Variants in CDH23 observed in about 807,000 individuals in gnomAD.
CDH23 encodes the protein cadherin-23.
Under a neutral mutation model 317.1 loss-of-function variants are expected in CDH23, and 189 were observed. The observed-to-expected ratio is 0.60, with a 90% CI of 0.53 to 0.67. CDH23 has a LOEUF of 0.67. CDH23 is among the 30% of genes least tolerant of loss of function. The pLI is 0.00. For synonymous variants in CDH23, 1,839 were observed against 1,876.8 expected (o/e 0.98, Z 0.52); for missense variants, 4,401 against 4,592.4 (o/e 0.96, Z 1.20).
intron 8 of CDH23, among the ~76,000 whole-genome samples, chr10:71,573,130 C>T (rs1857933023): frequency 6.6e-6 from 1 of 152,232 alleles, no homozygotes; most frequent in Non-Finnish European, 1.5e-5. Context: ...GCACATAAAA[C>T]ACACAGCAAG....
In CDH23 at chr10:71,434,568, C is replaced by T. The variant is rs548017587; in HGVS notation, c.-5-5259C>T. Among the ~76,000 whole-genome samples, 124 of 152,276 alleles carry T rather than the reference C, an allele frequency of 8.1e-4. No homozygotes were observed. In the Middle Eastern group the frequency reaches 0.01, roughly 13 times the overall value. The stretch of plus-strand genomic sequence containing the variant: ...TCCTATGTGGGTGACTCCATGGATG[C>T]TGTCACTGAACCACCTCTCAGAGCC... On this transcript the variant is annotated intron_variant, in intron 1 of 69. Transcript: ENST00000224721.
chr10:71,482,879 C>T (rs1379182372), intron 3 of CDH23, among the ~76,000 whole-genome samples: 3 of 152,224 alleles, frequency 2.0e-5, no homozygotes, highest in African/African-American at 7.2e-5. Context: ...AAGAGGGAGC[C>T]ATCCTGAAGT....
rs2132988708 is a variant in CDH23, at chr10:71,807,539, C to A, written c.8332C>A (p.His2778Asn). 1.2e-6 allele frequency: 2 copies of A among 1,613,962 alleles called. No homozygotes were observed. The highest frequency in any genetic ancestry group is 2.7e-5 in the African/African-American group (2 of 75,058). The change falls in exon 59 of 70, where the codon CAT becomes AAT. Residue 2778 changes from histidine to asparagine, a missense_variant. Physicochemically the swap from His to Asn is moderately conservative, Grantham distance 68. This residue lies in a region of CDH23 where 1,144 missense variants were observed against 1,138.2 expected (regional missense o/e 1.01). Coordinates refer to ENST00000224721, the MANE Select transcript of CDH23 (RefSeq NM_022124.6). ...AGCCGGCAACGAAGAGAAGAACTTC[C>A]ATCTGCAGCCCGATGGGTGTCTGCT... ...IAAGNEEKNFHLQPDGCLLVL... is the reference protein window; with the variant it reads ...IAAGNEEKNFNLQPDGCLLVL...
At chr10:71,796,981 C>T in intron 48 of CDH23, 123 bp from the exon 49 acceptor site, 1 of 662,142 alleles carries the variant, frequency 1.5e-6, no homozygotes, top group Non-Finnish European at 2.7e-6. Context: ...CCACAAGTCC[C>T]AGATTCTACT....
chr10:71,680,862 T>TC (rs1354524511), intron 17 of CDH23, among the ~76,000 whole-genome samples: 4 of 125,032 alleles, frequency 3.2e-5, no homozygotes, highest in Non-Finnish European at 5.1e-5. Flanking sequence ...AGAGTTTTAC[T>TC]CTGTCACCCA....
intron 2 of CDH23, among the ~76,000 whole-genome samples, chr10:71,440,283 A>C (rs866704856): frequency 1.3e-4 from 20 of 152,272 alleles, no homozygotes; most frequent in South Asian, 4.1e-4. Context: ...GACCTACTGC[A>C]CCCAGCTCTG....
At chr10:71,813,025 G>C in intron 68 of CDH23, 135 bp downstream of exon 68, 1 of 1,419,680 alleles carries the variant, frequency 7.0e-7, no homozygotes, top group Non-Finnish European at 9.6e-7. Flanking sequence ...CAGGGCTGAT[G>C]GGGGGCTACT....
At chr10:71,436,667 C>T (rs939089330) in intron 1 of CDH23, among the ~76,000 whole-genome samples, 1 of 152,202 alleles carries the variant, frequency 6.6e-6, no homozygotes, top group Non-Finnish European at 1.5e-5. Flanking sequence ...AATCCTTGGC[C>T]TGTGGGATTG....
At position 71,812,778 on chromosome 10, in the gene CDH23, GGC is replaced by G; in HGVS notation, c.9523_9524del (p.Arg3175Ter). 6.2e-7 allele frequency: 1 copy of G among 1,613,238 alleles called. No homozygotes were observed. Among genetic ancestry groups the G allele is most frequent in the Non-Finnish European group, 8.5e-7 (1 of 1,179,582 alleles). ...ATCCCCTCTCCCCAGGGAACTTTTG[GGC>G]GTGAGCCAGCAGCTGTCAAGCCTGA... On this transcript the variant is annotated frameshift_variant, in exon 68 of 70. Coordinates refer to ENST00000224721, the MANE Select transcript of CDH23 (RefSeq NM_022124.6). LOFTEE classifies it high-confidence loss of function.
chr10:71,786,517 A>T lies in CDH23; in HGVS notation c.5820+779A>T, dbSNP rs1841111730. ...TTTTTTTTTTTTTTTTTTGAGACAG[A>T]GTCTCACTCTGTCACCCAAGCTGGT... On this transcript the variant is annotated intron_variant, in intron 44 of 69. Transcript: ENST00000224721. 2.4e-5 allele frequency among the ~76,000 whole-genome samples: 3 copies of T among 124,696 alleles called. No individual in the cohort carries two copies. The Admixed American group carries it at 2.7e-4, about 11-fold the overall frequency. The allele number at this position is 124,696 out of a possible 152,430, so 81.8% of individuals were successfully genotyped here.
rs376657497 is a variant in CDH23, at chr10:71,645,915, G to A, written c.1225G>A (p.Ala409Thr). Residue 409 changes from alanine to threonine, a missense_variant, in exon 13 of 70, where the codon GCG (alanine) becomes ACG (threonine). Coordinates refer to ENST00000224721, the MANE Select transcript of CDH23 (RefSeq NM_022124.6). ...CTCCCCGACCTCCGTCCAGGGGAAG[G>A]CGGACATTCGTATTCGGGTGGCCAT... is the stretch of plus-strand genomic sequence containing the variant. Reference protein sequence around the residue: ...IISPTSVQGKADIRIRVAIPL... With the variant: ...IISPTSVQGKTDIRIRVAIPL... The A allele has an allele frequency of 8.1e-6, 13 of 1,613,504 alleles. No individual in the cohort carries two copies. Among genetic ancestry groups the A allele is most frequent in the Non-Finnish European group, 1.1e-5 (13 of 1,179,732 alleles).
At chr10:71,427,670 C>T (rs1204049621) in intron 1 of CDH23, among the ~76,000 whole-genome samples, 2 of 150,342 alleles carry the variant, frequency 1.3e-5, no homozygotes, top group African/African-American at 4.9e-5. Flanking sequence ...TGTGTATATT[C>T]TCAGAAGTGG....
At chr10:71,782,473 G>A (rs1417625217) in intron 41 of CDH23, among the ~76,000 whole-genome samples, 1 of 152,262 alleles carries the variant, frequency 6.6e-6, no homozygotes, top group Non-Finnish European at 1.5e-5. Flanking sequence ...CAGGCATGAA[G>A]TCCAGATGCA....
At chr10:71,716,394 C>G in intron 28 of CDH23, 1 of 1,424,886 alleles carries the variant, frequency 7.0e-7, no homozygotes, top group South Asian at 1.5e-5. Context: ...GGACCCAGGG[C>G]AGCGGGTATA....
chr10:71,566,181 C>G (rs778547678), intron 6 of CDH23, among the ~76,000 whole-genome samples: 1 of 152,292 alleles, frequency 6.6e-6, no homozygotes, highest in Admixed American at 6.5e-5. Flanking sequence ...GTGGTTGGAA[C>G]AGGCAGGACG....
intron 3 of CDH23, among the ~76,000 whole-genome samples, chr10:71,489,987 A>G (rs1852565154): frequency 2.0e-5 from 3 of 151,600 alleles, no homozygotes; most frequent in Admixed American, 2.0e-4. Context: ...AGTCACTCTG[A>G]CAATAAGGGG....
intron 1 of CDH23, among the ~76,000 whole-genome samples, chr10:71,404,493 G>T (rs1848006777): frequency 6.6e-6 from 1 of 152,236 alleles, no homozygotes; most frequent in Non-Finnish European, 1.5e-5. Context: ...CTGTACTCAA[G>T]GTCTGGAAGT....
At chr10:71,707,899 A>ACAGC (rs1250887163) in intron 26 of CDH23, among the ~76,000 whole-genome samples, 1 of 152,158 alleles carries the variant, frequency 6.6e-6, no homozygotes, top group Non-Finnish European at 1.5e-5. Context: ...TGCCCAGCTC[A>ACAGC]CAGCCCATCT....
In CDH23 at chr10:71,497,308, GA is replaced by G. The variant is rs11399743; in HGVS notation, c.146-12766del. ...TGAATTGAAAAGTTTCAGGAGAGGG[GA>G]AAAAAAACACACCCACCCCACTGTT... On this transcript the variant is annotated intron_variant, in intron 3 of 69. Coordinates refer to ENST00000224721, the MANE Select transcript of CDH23 (RefSeq NM_022124.6). Among the ~76,000 whole-genome samples, 168 of 151,676 alleles carry G rather than the reference GA, an allele frequency of 1.1e-3. 1 individual carries two copies. Among genetic ancestry groups the G allele is most frequent in the African/African-American group, 3.8e-3 (155 of 41,320 alleles).
Sources: allele counts gnomAD v4.1 joint callset (sites outside exome capture counted in the v4.1 genomes callset), GRCh38; gene constraint gnomAD v4.1.1; regional missense constraint gnomAD v4.1.1; transcripts MANE v1.5; gene names NCBI Gene and HGNC (gene_info 2026-07-23, HGNC 2026-07-21).